Variants in DIPK1A observed in about 807,000 individuals in gnomAD.
DIPK1A encodes the protein family with sequence similarity 69 member A.
In DIPK1A, 27 loss-of-function variants were observed where a neutral mutation model predicts 40.8. The ratio of observed to expected loss-of-function variants is 0.66; its 90% CI spans 0.49 to 0.91. DIPK1A has a LOEUF of 0.91. Among genes scored for constraint, DIPK1A ranks in the 40% least tolerant of loss-of-function variants. The probability of loss-of-function intolerance (pLI) is 0.00; values close to 1 mark genes in which losing one functional copy is unlikely to be tolerated. For missense variants in DIPK1A, 412 were observed against 505.7 expected (o/e 0.81, Z 1.78); for synonymous variants, 166 against 171.3 (o/e 0.97, Z 0.24).
At position 92,847,174 on chromosome 1, in the gene DIPK1A, T is replaced by C; in HGVS notation, c.474+9A>G. 2 of 1,510,270 alleles carry C rather than the reference T, an allele frequency of 1.3e-6. No homozygotes were observed. Among genetic ancestry groups the C allele is most frequent in the African/African-American group, 1.4e-5 (1 of 71,234 alleles). The allele number at this position is 1,510,270 out of a possible 1,614,324, so 93.6% of individuals were successfully genotyped here. On this transcript the variant is annotated intron_variant, in intron 4 of 4. Transcript: ENST00000370310. ...TTCACACTAGCAACATATGAATGGGTATGCTTACCTTAAAGAGACTATAGA... is the reference window on the plus strand; with the variant it reads ...TTCACACTAGCAACATATGAATGGGCATGCTTACCTTAAAGAGACTATAGA...
At chr1:92,932,119 G>A (rs113619420) in intron 1 of DIPK1A, 5 of 289,366 alleles carry the variant, frequency 1.7e-5, no homozygotes, top group African/African-American at 4.6e-5. Flanking sequence ...AAGAATCTAC[G>A]AGCTCGCAAA....
chr1:92,900,685 C>T (rs922633776), intron 1 of DIPK1A, among the ~76,000 whole-genome samples: 2 of 152,074 alleles, frequency 1.3e-5, no homozygotes, highest in African/African-American at 4.8e-5. Flanking sequence ...CAGCCCTACC[C>T]TACTCCTGAG....
chr1:92,847,198 G>T lies in DIPK1A; in HGVS notation c.459C>A (p.Val153=). The part of the protein sequence containing the change: ...GTTVQKFKEM[V]YSLFKAKLGD... ...GTATGCTTACCTTAAAGAGACTATA[G>T]ACCATTTCTTTAAATTTTTGTACAG... Residue 153 remains valine, a synonymous_variant, in exon 4 of 5, where the codon GTC becomes GTA. Transcript: ENST00000370310. 1.3e-6 allele frequency: 2 copies of T among 1,565,158 alleles called. No individual in the cohort carries two copies. Among genetic ancestry groups the T allele is most frequent in the South Asian group, 1.2e-5 (1 of 85,018 alleles).
intron 1 of DIPK1A, among the ~76,000 whole-genome samples, chr1:92,945,200 T>TGAAATATAAGTGAGAGTACAG (rs1553134809): frequency 6.6e-6 from 1 of 151,024 alleles, no homozygotes; most frequent in Non-Finnish European, 1.5e-5. Flanking sequence ...CCACAGAATA[T>TGAAATATAAGTGAGAGTACAG]GAAATATAAG....
At chr1:92,886,375 A>G (rs1285774627) in intron 1 of DIPK1A, among the ~76,000 whole-genome samples, 1 of 151,726 alleles carries the variant, frequency 6.6e-6, no homozygotes, top group Non-Finnish European at 1.5e-5. Context: ...AAATAAAGAC[A>G]GGGTGTCACT....
rs192886419 is a variant in DIPK1A at position 92,943,760 on chromosome 1, C to T, written c.54+17616G>A. On this transcript the variant is annotated intron_variant, in intron 1 of 4. Transcript: ENST00000370310. ...ACAGGGCTCAGTCAGGCATCCATTCCGGTGATAGGTCTAATGGGAAAACAG... is the reference window on the plus strand; with the variant it reads ...ACAGGGCTCAGTCAGGCATCCATTCTGGTGATAGGTCTAATGGGAAAACAG... Among the ~76,000 whole-genome samples, 10 of 152,270 alleles carry T rather than the reference C, an allele frequency of 6.6e-5. No individual in the cohort carries two copies. The East Asian group carries it at 1.7e-3, about 26-fold the overall frequency.
At chr1:92,876,547 T>C in intron 1 of DIPK1A, 117 bp from the exon 2 acceptor site, 1 of 1,086,516 alleles carries the variant, frequency 9.2e-7, no homozygotes, top group East Asian at 2.5e-5. Flanking sequence ...CAGGCTTTTA[T>C]ATGGCAATTC....
At chr1:92,946,909 A>C (rs1439719449) in intron 1 of DIPK1A, among the ~76,000 whole-genome samples, 2 of 148,712 alleles carry the variant, frequency 1.3e-5, no homozygotes, top group African/African-American at 2.5e-5. Context: ...GTGCCACTGT[A>C]CTCCAGCCTG....
rs749814264 is a variant in DIPK1A, at chr1:92,836,249, T to C, written c.475-3215A>G. The C allele has an allele frequency of 1.9e-6, 3 of 1,613,596 alleles. No homozygotes were observed. The highest frequency in any genetic ancestry group is 8.5e-7 in the Non-Finnish European group (1 of 1,179,976). Reference sequence around the variant, plus strand: ...AAGGCCAAGTGGAGGTGACTGGTGATGAATACAATGTGGAAAGCATTGATG... The same window carrying C: ...AAGGCCAAGTGGAGGTGACTGGTGACGAATACAATGTGGAAAGCATTGATG... On this transcript the variant is annotated intron_variant, in intron 4 of 4. Coordinates refer to the DIPK1A transcript ENST00000615519.
chr1:92,915,551 T>C (rs12059883), intron 1 of DIPK1A, among the ~76,000 whole-genome samples: 52,682 of 152,050 alleles, frequency 0.35, 9,595 homozygotes, highest in African/African-American at 0.37. Flanking sequence ...ATGATAGTGA[T>C]GACAGTATCA....
chr1:92,909,282 C>T (rs1219201262), intron 1 of DIPK1A, among the ~76,000 whole-genome samples: 1 of 152,058 alleles, frequency 6.6e-6, no homozygotes, highest in African/African-American at 2.4e-5. Flanking sequence ...CTTTACTACA[C>T]AAAATACCAA....
intron 2 of DIPK1A, among the ~76,000 whole-genome samples, chr1:92,860,770 C>A (rs1647228306): frequency 6.7e-6 from 1 of 150,098 alleles, no homozygotes. Context: ...GGCGACAGAG[C>A]AAGACTGCAT....
Position 92,842,395 on chromosome 1 carries a change from G to C in DIPK1A, c.*988C>G. ...TTTAATTTTATGGAGATGTTGAAAG[G>C]TACATGCCAAATCTGAGTATACGTG... On this transcript the variant is annotated 3_prime_UTR_variant, in exon 5 of 5. Transcript: ENST00000370310. 3.1e-6 allele frequency: 3 copies of C among 982,232 alleles called. No individual in the cohort carries two copies. The highest frequency in any genetic ancestry group is 2.4e-6 in the Non-Finnish European group (2 of 827,026). 60.8% of individuals were successfully genotyped at this position (982,232 alleles called of 1,614,324 possible).
intron 2 of DIPK1A, among the ~76,000 whole-genome samples, chr1:92,857,267 C>G (rs1688016490): frequency 6.7e-6 from 1 of 149,736 alleles, no homozygotes; most frequent in African/African-American, 2.5e-5. Context: ...GCAAATATGG[C>G]AAAAGGTTAA....
chr1:92,854,122 T>C (rs1485466009), intron 2 of DIPK1A, among the ~76,000 whole-genome samples: 2 of 152,122 alleles, frequency 1.3e-5, no homozygotes, highest in African/African-American at 2.4e-5. Context: ...CCTGGGCTCA[T>C]GTAAGCTTCC....
chr1:92,888,897 T>G (rs951513306), intron 1 of DIPK1A, among the ~76,000 whole-genome samples: 2 of 152,250 alleles, frequency 1.3e-5, no homozygotes, highest in African/African-American at 4.8e-5. Context: ...TTGAGCTCTT[T>G]GTATATTCTG....
chr1:92,911,002 A>G (rs1283924153), intron 1 of DIPK1A, among the ~76,000 whole-genome samples: 1 of 152,160 alleles, frequency 6.6e-6, no homozygotes, highest in Non-Finnish European at 1.5e-5. Context: ...ACCGTTAATC[A>G]GTTCTCCATC....
Position 92,836,176 on chromosome 1 carries a change from G to A in DIPK1A, c.475-3142C>T, listed in dbSNP as rs766274754. 16 of 1,608,768 alleles carry A rather than the reference G, an allele frequency of 9.9e-6. No individual in the cohort carries two copies. The Admixed American group carries it at 1.8e-4, about 18-fold the overall frequency. ...AATAATTGAAACCAGCATTTACATTGGTTTCTTGAATAGCTTCTCAATAGG... is the reference window on the plus strand; with the variant it reads ...AATAATTGAAACCAGCATTTACATTAGTTTCTTGAATAGCTTCTCAATAGG... On this transcript the variant is annotated intron_variant, in intron 4 of 4. Transcript: ENST00000615519.
chr1:92,843,974 T>A lies in DIPK1A; in HGVS notation c.696A>T (p.Glu232Asp). 1 of 1,552,038 alleles carries A rather than the reference T, an allele frequency of 6.4e-7. No individual in the cohort carries two copies. Among genetic ancestry groups the A allele is most frequent in the Non-Finnish European group, 8.7e-7 (1 of 1,147,048 alleles). ...CGDLYVMESV[E>D]YTSLYGISLP... The stretch of plus-strand genomic sequence containing the variant: ...GGCTTATTCCATAAAGAGAGGTATA[T>A]TCAACACTTTCCATCACATAGAGGT... The change falls in exon 5 of 5, where the codon GAA becomes GAT. Residue 232 changes from glutamate (E) to aspartate (D), a missense_variant. Glu to Asp is a conservative substitution (Grantham distance 45). Transcript: ENST00000370310.
Sources: gnomAD v4.1 joint callset for allele counts (sites outside exome capture counted in the v4.1 genomes callset) on GRCh38, gnomAD v4.1.1 for gene constraint, MANE v1.5 for transcripts, NCBI Gene and HGNC (gene_info 2026-07-23, HGNC 2026-07-21) for gene names.